PTPN3: variants seen among roughly 807,000 people sequenced by gnomAD.
PTPN3 encodes the protein protein tyrosine phosphatase non-receptor type 3.
PTPN3 carries 96 observed loss-of-function variants against 132.7 expected under a neutral mutation model. The ratio of observed to expected loss-of-function variants is 0.72; its 90% CI spans 0.61 to 0.86. The LOEUF is 0.86. Among genes scored for constraint, PTPN3 ranks in the 40% least tolerant of loss-of-function variants. The probability of loss-of-function intolerance (pLI) is 0.00; values close to 1 mark genes in which losing one functional copy is unlikely to be tolerated. For missense variants in PTPN3, 1,125 were observed against 1,159.6 expected (o/e 0.97, Z 0.43); for synonymous variants, 398 against 429.0 (o/e 0.93, Z 0.89).
chr9:109,476,353 TAAC>T (rs547068044), intron 1 of PTPN3, among the ~76,000 whole-genome samples: 6 of 146,924 alleles, frequency 4.1e-5, no homozygotes, highest in Admixed American at 6.7e-5. Context: ...TTTATCAAAA[TAAC>T]AAGTTGTAAA....
rs200472346 is a variant in PTPN3, at chr9:109,448,818, C to T, written c.406G>A (p.Glu136Lys). The T allele has an allele frequency of 1.8e-5, 28 of 1,599,262 alleles. No homozygotes were observed. The highest frequency in any genetic ancestry group is 1.6e-4 in the East Asian group (7 of 44,782). ...ATGTAAAATTCTCATTACCTTCCTTCGCAAATATCCATCTTCAGTTGTAAG... is the reference window on the plus strand; with the variant it reads ...ATGTAAAATTCTCATTACCTTCCTTTGCAAATATCCATCTTCAGTTGTAAG... ...YFLQLKMDIC[E>K]GRLTCPLNSA... Residue 136 changes from glutamate (E) to lysine (K), a missense_variant, in exon 6 of 26, where the codon GAA (glutamate) becomes AAA (lysine). Coordinates refer to ENST00000374541, the MANE Select transcript of PTPN3 (RefSeq NM_002829.4).
At chr9:109,441,048 C>T (rs1844428798) in intron 7 of PTPN3, among the ~76,000 whole-genome samples, 1 of 152,144 alleles carries the variant, frequency 6.6e-6, no homozygotes, top group Non-Finnish European at 1.5e-5. Context: ...CATAAGGAAA[C>T]AGACCCAAAG....
In PTPN3 at chr9:109,391,534, C is replaced by A; in HGVS notation, c.1981G>T (p.Ala661Ser). 1 of 1,613,848 alleles carries A rather than the reference C, an allele frequency of 6.2e-7. No individual in the cohort carries two copies. The highest frequency in any genetic ancestry group is 8.5e-7 in the Non-Finnish European group (1 of 1,179,886). Residue 661 changes from alanine to serine, a missense_variant, in exon 20 of 26, where the codon GCC (alanine) becomes TCC (serine). Ala to Ser is a moderately conservative substitution (Grantham distance 99). Coordinates refer to ENST00000374541, the MANE Select transcript of PTPN3 (RefSeq NM_002829.4). ...EQLYRKKPGL[A>S]ITFAKLPQNL... ...TGAGGCAGCTTTGCAAACGTGATGG[C>A]CAAACCTGGCTTTTTTCTGTAGAGT...
At chr9:109,526,500 T>C in the PTPN3 span, among the ~76,000 whole-genome samples, 1 of 152,148 alleles carries the variant, frequency 6.6e-6, no homozygotes, top group Non-Finnish European at 1.5e-5. Context: ...AAGTAGGACC[T>C]GATTTCTACA....
At chr9:109,443,811 T>A (rs1043892749) in intron 7 of PTPN3, among the ~76,000 whole-genome samples, 1 of 152,184 alleles carries the variant, frequency 6.6e-6, no homozygotes, top group African/African-American at 2.4e-5. Context: ...AGTTTCCCAC[T>A]AAGGAGGAGG....
the PTPN3 span, chr9:109,533,470 C>T: frequency 2.5e-6 from 4 of 1,570,190 alleles, no homozygotes; most frequent in African/African-American, 1.3e-5. Context: ...TGTGTGTCTG[C>T]GTCGGTAAGT....
chr9:109,470,335 G>A (rs530814131), intron 1 of PTPN3, among the ~76,000 whole-genome samples: 1 of 152,262 alleles, frequency 6.6e-6, no homozygotes, highest in East Asian at 1.9e-4. Context: ...GCCCCAACAA[G>A]CAACAATCAC....
rs1846521528 is a variant in PTPN3 at position 109,474,156 on chromosome 9, C to T, written c.-17-10705G>A. Among the ~76,000 whole-genome samples the T allele has an allele frequency of 1.3e-5, 2 of 152,074 alleles. 1 individual carries two copies. The highest frequency in any genetic ancestry group is 2.9e-5 in the Non-Finnish European group (2 of 68,020). ...AGACACTTAAGAGCCAGCAAACCTG[C>T]CTCCTGGGAGAAAAATAGGGCAAAT... On this transcript the variant is annotated intron_variant, in intron 1 of 25. Coordinates refer to ENST00000374541, the MANE Select transcript of PTPN3 (RefSeq NM_002829.4).
At chr9:109,433,643 C>G (rs917508363) in intron 9 of PTPN3, among the ~76,000 whole-genome samples, 1 of 152,174 alleles carries the variant, frequency 6.6e-6, no homozygotes, top group African/African-American at 2.4e-5. Context: ...AGGTGGCTCA[C>G]GCCTATAATC....
At chr9:109,460,959 T>G (rs904494714) in intron 2 of PTPN3, among the ~76,000 whole-genome samples, 1 of 152,224 alleles carries the variant, frequency 6.6e-6, no homozygotes, top group Non-Finnish European at 1.5e-5. Context: ...CATTCATGTT[T>G]TCGTCAGGAA....
In PTPN3 at chr9:109,378,354, T is replaced by C. The variant is rs139439518; in HGVS notation, c.*1202A>G. Reference sequence around the variant, plus strand: ...GAATTCTTTAGGACAATCAAAATGATGGTGTTCTTAGAATAAATTAACATC... The same window carrying C: ...GAATTCTTTAGGACAATCAAAATGACGGTGTTCTTAGAATAAATTAACATC... On this transcript the variant is annotated 3_prime_UTR_variant, in exon 26 of 26. Transcript: ENST00000374541. 612 of 152,738 alleles carry C rather than the reference T, an allele frequency of 4.0e-3. 2 individuals carry two copies. Among genetic ancestry groups the C allele is most frequent in the Non-Finnish European group, 6.7e-3 (457 of 68,022 alleles). 9.5% of individuals were successfully genotyped at this position (152,738 alleles called of 1,614,324 possible).
At chr9:109,484,379 T>C (rs1847112602) in intron 1 of PTPN3, among the ~76,000 whole-genome samples, 1 of 151,046 alleles carries the variant, frequency 6.6e-6, no homozygotes, top group Non-Finnish European at 1.5e-5. Context: ...GGCCCTGGAG[T>C]GAGGGAGTGG....
At chr9:109,512,213 C>T in the PTPN3 span, among the ~76,000 whole-genome samples, 6 of 152,264 alleles carry the variant, frequency 3.9e-5, no homozygotes, top group Non-Finnish European at 5.9e-5. Flanking sequence ...AGCTTTTTAA[C>T]GATATTCCTT....
intron 19 of PTPN3, among the ~76,000 whole-genome samples, chr9:109,394,891 G>C (rs919993642): frequency 5.3e-5 from 8 of 152,178 alleles, no homozygotes; most frequent in Non-Finnish European, 7.3e-5. Flanking sequence ...TGTAATCCCA[G>C]CACTTTGGGA....
chr9:109,468,906 A>C (rs180781750), intron 1 of PTPN3, among the ~76,000 whole-genome samples: 1 of 152,348 alleles, frequency 6.6e-6, no homozygotes, highest in East Asian at 1.9e-4. Flanking sequence ...CCTGATTTCA[A>C]ACGACTTACA....
At chr9:109,507,285 G>T in the PTPN3 span, among the ~76,000 whole-genome samples, 1 of 152,226 alleles carries the variant, frequency 6.6e-6, no homozygotes, top group African/African-American at 2.4e-5. Flanking sequence ...GGCCAGAGAA[G>T]TGAGATGGAG....
the PTPN3 span, among the ~76,000 whole-genome samples, chr9:109,518,134 T>A: frequency 2.6e-5 from 4 of 152,194 alleles, no homozygotes; most frequent in Non-Finnish European, 5.9e-5. Context: ...AATCCCTTCA[T>A]TACATACTCT....
intron 1 of PTPN3, among the ~76,000 whole-genome samples, chr9:109,495,484 C>T (rs918769040): frequency 2.0e-5 from 3 of 152,168 alleles, no homozygotes; most frequent in Non-Finnish European, 2.9e-5. Flanking sequence ...GTGCCTGGAC[C>T]TGTAGTTCAG....
chr9:109,427,408 C>T (rs17201486), intron 11 of PTPN3, among the ~76,000 whole-genome samples: 5,802 of 152,284 alleles, frequency 0.038, 151 homozygotes, highest in East Asian at 0.15. Flanking sequence ...AGGCTGGATA[C>T]ATTTGGAGCA....
Sources: allele counts gnomAD v4.1 joint callset (sites outside exome capture counted in the v4.1 genomes callset), GRCh38; gene constraint gnomAD v4.1.1; transcripts MANE v1.5; gene names NCBI Gene and HGNC (gene_info 2026-07-23, HGNC 2026-07-21).